FRMD4A: variants seen among roughly 807,000 people sequenced by gnomAD.
The protein encoded by FRMD4A is FERM domain-containing protein 4A.
A neutral mutation model predicts 129.1 loss-of-function variants in FRMD4A; 29 were observed. The ratio of observed to expected loss-of-function variants is 0.22; its 90% CI spans 0.17 to 0.31. The LOEUF is 0.31. Ranked by LOEUF, FRMD4A falls within the 10% of genes least tolerant of loss-of-function variation. FRMD4A has a pLI of 1.00. For missense variants in FRMD4A, 1,272 were observed against 1,375.8 expected, an observed-to-expected ratio of 0.92 and a Z score of 1.19; for synonymous variants, 634 against 571.6, an observed-to-expected ratio of 1.11 and a Z score of -1.56.
chr10:13,684,679 C>A, intron 15 of FRMD4A: 1 of 985,340 alleles, frequency 1.0e-6, no homozygotes, highest in Non-Finnish European at 1.2e-6. Flanking sequence ...TCAGGAGCCA[C>A]GCGTGGCTCA....
intron 12 of FRMD4A, among the ~76,000 whole-genome samples, chr10:13,723,837 A>G (rs1215422230): frequency 6.6e-6 from 1 of 152,236 alleles, no homozygotes; most frequent in Non-Finnish European, 1.5e-5. Context: ...CTTAATAGGT[A>G]TCCCCTGACA....
chr10:13,647,666 C>G (rs1403178222), intron 24 of FRMD4A: 1 of 149,972 alleles, frequency 6.7e-6, no homozygotes, highest in Non-Finnish European at 1.5e-5. Flanking sequence ...AAATAACATG[C>G]ATTGTTTTGT....
In FRMD4A at chr10:13,985,669, A is replaced by G. The variant is rs376212668; in HGVS notation, c.46-126757T>C. ...CAGGCACCAGTCTCCACGGGAAAGC[A>G]GAGAACAGGTCCAGGCTGAGGGCAT... On this transcript the variant is annotated intron_variant, in intron 2 of 24. Coordinates refer to ENST00000357447, the MANE Select transcript of FRMD4A (RefSeq NM_018027.5). 2.2e-3 allele frequency among the ~76,000 whole-genome samples: 332 copies of G among 152,312 alleles called. 1 individual carries two copies. Among genetic ancestry groups the G allele is most frequent in the African/African-American group, 7.5e-3 (312 of 41,580 alleles).
At chr10:13,762,800 C>T (rs912935541) in intron 6 of FRMD4A, 120 bp from the exon 7 acceptor site, 37 of 676,486 alleles carry the variant, frequency 5.5e-5, no homozygotes, top group Admixed American at 3.6e-4. Context: ...TTGAGACCAG[C>T]CTGGGCAACA....
chr10:13,850,273 A>T (rs1274071297), intron 3 of FRMD4A, among the ~76,000 whole-genome samples: 1 of 152,226 alleles, frequency 6.6e-6, no homozygotes, highest in African/African-American at 2.4e-5. Flanking sequence ...CTAGATTTTT[A>T]AAAAGTCATA....
At chr10:13,689,724 A>C (rs11598761) in intron 15 of FRMD4A, among the ~76,000 whole-genome samples, 19,196 of 151,394 alleles carry the variant, frequency 0.13, 1,969 homozygotes, top group African/African-American at 0.29. Context: ...AGCTATATTA[A>C]GAAGATTTTT....
chr10:13,758,086 C>T (rs1013792399), intron 8 of FRMD4A, among the ~76,000 whole-genome samples: 1 of 152,220 alleles, frequency 6.6e-6, no homozygotes, highest in Non-Finnish European at 1.5e-5. Flanking sequence ...TTCTCTTGTA[C>T]CTCAAGGAAA....
chr10:14,167,322 G>A (rs534099998), intron 2 of FRMD4A, among the ~76,000 whole-genome samples: 10 of 151,912 alleles, frequency 6.6e-5, no homozygotes, highest in South Asian at 2.1e-4. Flanking sequence ...ACTTGAGGTC[G>A]GGAGATCAAG....
intron 16 of FRMD4A, among the ~76,000 whole-genome samples, chr10:13,673,241 C>T (rs1319991867): frequency 3.3e-5 from 5 of 152,156 alleles, no homozygotes; most frequent in Non-Finnish European, 7.3e-5. Context: ...CCCAGCCAGG[C>T]CAATTGCTTT....
intron 4 of FRMD4A, among the ~76,000 whole-genome samples, chr10:13,803,483 C>G (rs1042296542): frequency 6.6e-6 from 1 of 151,360 alleles, no homozygotes; most frequent in Admixed American, 6.6e-5. Context: ...AGGTGCACAC[C>G]ACCACTCCTG....
At chr10:13,719,478 C>T (rs372945099) in intron 12 of FRMD4A, among the ~76,000 whole-genome samples, 1 of 152,056 alleles carries the variant, frequency 6.6e-6, no homozygotes, top group East Asian at 1.9e-4. Context: ...AGGACCCCGA[C>T]TGTAACACCC....
intron 2 of FRMD4A, among the ~76,000 whole-genome samples, chr10:14,098,812 G>A (rs914947031): frequency 3.9e-5 from 6 of 152,084 alleles, no homozygotes; most frequent in African/African-American, 1.2e-4. Flanking sequence ...TGAGACCTTC[G>A]CTCACACCAT....
At chr10:13,734,914 C>T (rs2090547145) in intron 12 of FRMD4A, among the ~76,000 whole-genome samples, 1 of 151,514 alleles carries the variant, frequency 6.6e-6, no homozygotes, top group African/African-American at 2.4e-5. Flanking sequence ...GGCTCTGTCA[C>T]CCAGGCTGGA....
At chr10:13,949,241 T>A (rs1203063880) in intron 2 of FRMD4A, among the ~76,000 whole-genome samples, 1 of 148,538 alleles carries the variant, frequency 6.7e-6, no homozygotes. Context: ...TGAAAGACGT[T>A]GTTGGCCCTG....
At chr10:13,856,034 CTAT>C (rs1395958548) in intron 3 of FRMD4A, among the ~76,000 whole-genome samples, 1 of 150,770 alleles carries the variant, frequency 6.6e-6, no homozygotes, top group Non-Finnish European at 1.5e-5. Context: ...ATCTATCTAT[CTAT>C]CTATCTATCT....
intron 3 of FRMD4A, among the ~76,000 whole-genome samples, chr10:13,851,737 T>C (rs1293671327): frequency 6.6e-6 from 1 of 151,724 alleles, no homozygotes; most frequent in Non-Finnish European, 1.5e-5. Flanking sequence ...CTGTCTCTAC[T>C]AAAAATACAA....
intron 2 of FRMD4A, among the ~76,000 whole-genome samples, chr10:14,042,634 C>T (rs762294158): frequency 6.6e-6 from 1 of 152,116 alleles, no homozygotes; most frequent in Non-Finnish European, 1.5e-5. Flanking sequence ...GATTTGTGCT[C>T]TTTCCTGAGC....
At chr10:14,193,324 C>T (rs1053895050) in intron 2 of FRMD4A, among the ~76,000 whole-genome samples, 7 of 152,176 alleles carry the variant, frequency 4.6e-5, no homozygotes, top group Non-Finnish European at 7.3e-5. Flanking sequence ...ATTAGTGAGC[C>T]TTTGCTGATA....
At chr10:14,227,540 G>A (rs1309092239) in intron 2 of FRMD4A, among the ~76,000 whole-genome samples, 4 of 151,826 alleles carry the variant, frequency 2.6e-5, no homozygotes, top group African/African-American at 9.7e-5. Flanking sequence ...ATGTGAGCCA[G>A]GGTGCCCAGC....
Sources: allele counts gnomAD v4.1 joint callset (sites outside exome capture counted in the v4.1 genomes callset), GRCh38; gene constraint gnomAD v4.1.1; transcripts MANE v1.5; gene names NCBI Gene and HGNC (gene_info 2026-07-23, HGNC 2026-07-21).